The following IGLON5 variants were observed in gnomAD, a reference collection of about 807,000 sequenced individuals.
IGLON5 encodes the protein IgLON family member 5.
A neutral mutation model predicts 38.2 loss-of-function variants in IGLON5; 16 were observed. The observed-to-expected ratio is 0.42, with a 90% confidence interval of 0.28 to 0.64. The LOEUF is 0.64. Ranked by LOEUF, IGLON5 falls within the 30% of genes least tolerant of loss-of-function variation. IGLON5 has a pLI of 0.23. For missense variants in IGLON5, 366 were observed against 483.4 expected, an observed-to-expected ratio of 0.76 and a Z score of 2.28; for synonymous variants, 207 against 216.4, an observed-to-expected ratio of 0.96 and a Z score of 0.38.
chr19:51,316,032 C>G (rs1401437465), intron 1 of IGLON5, among the ~76,000 whole-genome samples: 3 of 150,944 alleles, frequency 2.0e-5, no homozygotes, highest in African/African-American at 7.3e-5. Flanking sequence ...GAGGTAAAGA[C>G]CTTGAGGTGG....
At chr19:51,321,917 G>C (rs908170583) in intron 1 of IGLON5, 147 bp from the exon 2 acceptor site, 2 of 681,752 alleles carry the variant, frequency 2.9e-6, no homozygotes, top group Non-Finnish European at 5.2e-6. Flanking sequence ...GCAAGGACGT[G>C]TGTGTGCACG....
At chr19:51,326,271 G>A (rs1419533834) in intron 4 of IGLON5, among the ~76,000 whole-genome samples, 1 of 152,072 alleles carries the variant, frequency 6.6e-6, no homozygotes, top group Non-Finnish European at 1.5e-5. Flanking sequence ...AAGTCCCAGA[G>A]GGTCTTCTGA....
At chr19:51,312,690 G>T (rs11878441) in intron 1 of IGLON5, among the ~76,000 whole-genome samples, 15,032 of 151,718 alleles carry the variant, frequency 0.099, 1,435 homozygotes, top group African/African-American at 0.26. Context: ...AGAGCGATGG[G>T]CATGGGAGGA....
Position 51,323,683 on chromosome 19 carries a change from G to A in IGLON5, c.180G>A (p.Val60=). The A allele has an allele frequency of 1.2e-6, 2 of 1,612,308 alleles. No homozygotes were observed. The highest frequency in any genetic ancestry group is 1.7e-6 in the Non-Finnish European group (2 of 1,178,598). ...ATLSCFIDEH[V]TRVAWLNRSN... ...GCAGCTGCTTCATCGACGAGCACGT[G>A]ACCCGCGTGGCCTGGCTGAACCGCT... The change falls in exon 3 of 8, where the codon GTG becomes GTA. Residue 60 remains valine (V), a synonymous_variant. Coordinates refer to ENST00000270642, the MANE Select transcript of IGLON5 (RefSeq NM_001101372.3).
chr19:51,319,063 G>C (rs752182229), intron 1 of IGLON5, among the ~76,000 whole-genome samples: 2 of 152,240 alleles, frequency 1.3e-5, no homozygotes, highest in Non-Finnish European at 2.9e-5. Context: ...GCATAGGACA[G>C]TCTGGCCCCA....
Position 51,327,407 on chromosome 19 carries a change from C to T in IGLON5, c.767+207C>T, listed in dbSNP as rs530525876. Among the ~76,000 whole-genome samples the T allele has an allele frequency of 6.6e-6, 1 of 152,266 alleles. No homozygotes were observed. The highest frequency in any genetic ancestry group is 6.5e-5 in the Admixed American group (1 of 15,302). ...CTTGATGAATGCTGGAACCCCGTCTCCCCGGACTTTTCAGGGAGCTGGCCA... is the reference window on the plus strand; with the variant it reads ...CTTGATGAATGCTGGAACCCCGTCTTCCCGGACTTTTCAGGGAGCTGGCCA... On this transcript the variant is annotated intron_variant, in intron 6 of 7. Coordinates refer to ENST00000270642, the MANE Select transcript of IGLON5 (RefSeq NM_001101372.3). The surrounding 1 kb of genome is among the most constrained non-coding windows in gnomAD (Gnocchi z 7.1).
chr19:51,318,229 T>A (rs1174873209), intron 1 of IGLON5, among the ~76,000 whole-genome samples: 1 of 152,160 alleles, frequency 6.6e-6, no homozygotes, highest in Non-Finnish European at 1.5e-5. Flanking sequence ...TTTATATTCA[T>A]CCATTCAACA....
chr19:51,323,431 G>C (rs937538846), intron 2 of IGLON5, among the ~76,000 whole-genome samples: 2 of 152,000 alleles, frequency 1.3e-5, no homozygotes, highest in African/African-American at 4.8e-5. Context: ...TGACACACAC[G>C]ATCACTCAAT....
intron 1 of IGLON5, among the ~76,000 whole-genome samples, chr19:51,321,193 T>A (rs1052304694): frequency 6.6e-6 from 1 of 152,180 alleles, no homozygotes; most frequent in South Asian, 2.1e-4. Flanking sequence ...GGGGTTCTTT[T>A]TGAGACCAAG....
rs558675317 is a variant in IGLON5 at position 51,323,604 on chromosome 19, G to T, written c.159-58G>T. Reference sequence around the variant, plus strand: ...TCCTTCTCCCACCCACCCCCTCGGTGGGGGAAGCCTCAGGCTGGGTGGGTG... The same window carrying T: ...TCCTTCTCCCACCCACCCCCTCGGTTGGGGAAGCCTCAGGCTGGGTGGGTG... On this transcript the variant is annotated intron_variant, in intron 2 of 7. Coordinates refer to ENST00000270642, the MANE Select transcript of IGLON5 (RefSeq NM_001101372.3). The T allele has an allele frequency of 8.2e-4, 1,198 of 1,464,704 alleles. 5 individuals carry two copies. Among genetic ancestry groups the T allele is most frequent in the Non-Finnish European group, 4.5e-4 (481 of 1,073,382 alleles). 90.7% of individuals were successfully genotyped at this position (1,464,704 alleles called of 1,614,324 possible). A position where few individuals can be genotyped will look rare whatever the true frequency, so the allele number is the denominator to read the frequency against.
rs1372835089 is a variant in IGLON5, at chr19:51,311,763, TCCC to T, written c.-82_-80del. ...CGGTGCAGCGCAGGCGGGGTCCCCCTCCCCCTCCCCCCTCTCCCCCCAGGCCTC... is the reference window on the plus strand; with the variant it reads ...CGGTGCAGCGCAGGCGGGGTCCCCCTCCTCCCCCCTCTCCCCCCAGGCCTC... On this transcript the variant is annotated 5_prime_UTR_variant, in exon 1 of 8. Transcript: ENST00000270642. 27 of 52,540 alleles carry T rather than the reference TCCC, an allele frequency of 5.1e-4. 1 individual carries two copies. The highest frequency in any genetic ancestry group is 1.7e-3 in the African/African-American group (20 of 11,902). The allele number at this position is 52,540 out of a possible 1,614,324, so 3.3% of individuals were successfully genotyped here. A position where few individuals can be genotyped will look rare whatever the true frequency, so the allele number is the denominator to read the frequency against.
Position 51,325,780 on chromosome 19 carries a change from G to C in IGLON5, c.511+315G>C, listed in dbSNP as rs10408816. Among the ~76,000 whole-genome samples the C allele has an allele frequency of 6.6e-6, 1 of 151,632 alleles. No individual in the cohort carries two copies. The highest frequency in any genetic ancestry group is 1.5e-5 in the Non-Finnish European group (1 of 67,898). ...CGCGCTCACAGCATTCTCCTGGGCTGAGATCCCCTGCCACTAGGTGCCCTA... is the reference window on the plus strand; with the variant it reads ...CGCGCTCACAGCATTCTCCTGGGCTCAGATCCCCTGCCACTAGGTGCCCTA... On this transcript the variant is annotated intron_variant, in intron 4 of 7. Coordinates refer to ENST00000270642, the MANE Select transcript of IGLON5 (RefSeq NM_001101372.3). This position sits in a 1 kb window ranked among gnomAD's most constrained non-coding sequence, Gnocchi z 5.5.
At chr19:51,314,185 C>T (rs1299727801) in intron 1 of IGLON5, among the ~76,000 whole-genome samples, 3 of 110,744 alleles carry the variant, frequency 2.7e-5, no homozygotes, top group Non-Finnish European at 5.0e-5. Flanking sequence ...TTCACATTCA[C>T]TATTTTTTTT....
chr19:51,324,286 G>A lies in IGLON5; in HGVS notation c.391+392G>A, dbSNP rs1175276582. On this transcript the variant is annotated intron_variant, in intron 3 of 7. Transcript: ENST00000270642. This position sits in a 1 kb window ranked among gnomAD's most constrained non-coding sequence, Gnocchi z 4.2. ...TCCCAGACGTGACGTCTGAGCTGAC[G>A]CCTTTGGCTGGGCACAGGGCTAAGA... Among the ~76,000 whole-genome samples the A allele has an allele frequency of 2.0e-5, 3 of 152,310 alleles. No homozygotes were observed. The highest frequency in any genetic ancestry group is 1.9e-4 in the East Asian group (1 of 5,184).
rs190380000 is a variant in IGLON5 at position 51,323,982 on chromosome 19, A to T, written c.391+88A>T. The T allele has an allele frequency of 2.1e-4, 181 of 878,348 alleles. 1 individual carries two copies. The African/African-American group carries it at 2.7e-3, about 13-fold the overall frequency. 54.4% of individuals were successfully genotyped at this position (878,348 alleles called of 1,614,324 possible). The stretch of plus-strand genomic sequence containing the variant: ...GATGACAGATACCACGTGTTCCCCA[A>T]CCCCAGGGATACATAGCGAGAAAGA... On this transcript the variant is annotated intron_variant, in intron 3 of 7. Coordinates refer to ENST00000270642, the MANE Select transcript of IGLON5 (RefSeq NM_001101372.3).
At position 51,329,820 on chromosome 19, in the gene IGLON5, A is replaced by G. The variant is rs1985308634; in HGVS notation, c.*1061A>G. 1 of 134,992 alleles carries G rather than the reference A, an allele frequency of 7.4e-6. No homozygotes were observed. Among genetic ancestry groups the G allele is most frequent in the African/African-American group, 3.6e-5 (1 of 27,592 alleles). The allele number at this position is 134,992 out of a possible 1,614,324, so 8.4% of individuals were successfully genotyped here. ...TCAGACGCACCACACACACATACAC[A>G]CACACAGACACACACACACACACAC... On this transcript the variant is annotated 3_prime_UTR_variant, in exon 8 of 8. Coordinates refer to ENST00000270642, the MANE Select transcript of IGLON5 (RefSeq NM_001101372.3). The surrounding 1 kb of genome is among the most constrained non-coding windows in gnomAD (Gnocchi z 4.3).
At chr19:51,311,990 G>T (rs2123506075) in intron 1 of IGLON5, 64 bp downstream of exon 1, 3 of 897,562 alleles carry the variant, frequency 3.3e-6, no homozygotes, top group South Asian at 3.8e-5. Flanking sequence ...GGTAATCGGG[G>T]GATCAGGGGT....
rs989048772 is a variant in IGLON5 at position 51,328,821 on chromosome 19, G to A, written c.*62G>A. 4.1e-5 allele frequency: 51 copies of A among 1,248,906 alleles called. No homozygotes were observed. In the African/African-American group the frequency reaches 7.1e-4, roughly 17 times the overall value. 77.4% of individuals were successfully genotyped at this position (1,248,906 alleles called of 1,614,324 possible). On this transcript the variant is annotated 3_prime_UTR_variant, in exon 8 of 8. Coordinates refer to ENST00000270642, the MANE Select transcript of IGLON5 (RefSeq NM_001101372.3). ...GCCTCAGGCCAAGAGTGAGAGAAAC[G>A]GGGGAGCAAGAGCCGTGGGTCTCGT...
At chr19:51,318,573 TAA>T (rs879551721) in intron 1 of IGLON5, among the ~76,000 whole-genome samples, 3 of 144,396 alleles carry the variant, frequency 2.1e-5, no homozygotes, top group Non-Finnish European at 1.5e-5. Flanking sequence ...CCTCGTCTCT[TAA>T]AAAAAAAAAA....
Sources: allele counts gnomAD v4.1 joint callset (sites outside exome capture counted in the v4.1 genomes callset), GRCh38; gene constraint gnomAD v4.1.1; non-coding constraint Gnocchi (gnomAD v3.1); transcripts MANE v1.5; gene names NCBI Gene and HGNC (gene_info 2026-07-23, HGNC 2026-07-21).